The following HUNK variants were observed in gnomAD, a reference collection of about 807,000 sequenced individuals.
The protein encoded by HUNK is hormonally up-regulated Neu-associated kinase.
In HUNK, 21 loss-of-function variants were observed where a neutral mutation model predicts 61.0. That is an observed-to-expected ratio of 0.34 (90% CI 0.24 to 0.50). The LOEUF is 0.50. Among genes scored for constraint, HUNK ranks in the 20% least tolerant of loss-of-function variants. The probability of loss-of-function intolerance (pLI) is 0.98; values close to 1 mark genes in which losing one functional copy is unlikely to be tolerated. For synonymous variants in HUNK, 371 were observed against 386.1 expected, an observed-to-expected ratio of 0.96 and a Z score of 0.46; for missense variants, 772 against 945.7, an observed-to-expected ratio of 0.82 and a Z score of 2.41.
chr21:31,907,035 T>A (rs9983077), intron 1 of HUNK, among the ~76,000 whole-genome samples: 2 of 151,926 alleles, frequency 1.3e-5, no homozygotes, highest in Admixed American at 6.5e-5. Flanking sequence ...ATTAGCCTGG[T>A]GTGGTGGCAG....
intron 1 of HUNK, among the ~76,000 whole-genome samples, chr21:31,900,446 AACACACACAC>A (rs3138690): frequency 7.0e-6 from 1 of 143,024 alleles, no homozygotes; most frequent in Non-Finnish European, 1.5e-5. Flanking sequence ...TAGTTACTGA[AACACACACAC>A]ACACACACAC....
chr21:31,920,826 C>T (rs546106527), intron 1 of HUNK, among the ~76,000 whole-genome samples: 2 of 152,232 alleles, frequency 1.3e-5, no homozygotes, highest in African/African-American at 2.4e-5. Flanking sequence ...TTACTCCCAT[C>T]TTTGGATTAA....
Position 31,998,543 on chromosome 21 carries a change from A to G in HUNK, c.1504A>G (p.Asn502Asp), listed in dbSNP as rs1388503408. ...GTGTGCAGATTCCTTTGGCTGCCGC[A>G]ATATTTTCCGCAAAACCTCAGATTC... Reference protein sequence around the residue: ...FPDKDSFGCRNIFRKTSDSNC... With the variant: ...FPDKDSFGCRDIFRKTSDSNC... The change falls in exon 11 of 11, where the codon AAT (asparagine) becomes GAT (aspartate). Residue 502 changes from asparagine (N) to aspartate (D), a missense_variant. Around this residue, in one of 2 missense-constraint regions of HUNK, gnomAD observed 413 missense variants for 444.4 expected, o/e 0.93. Transcript: ENST00000270112. The G allele has an allele frequency of 4.4e-6, 7 of 1,594,820 alleles. No homozygotes were observed. The highest frequency in any genetic ancestry group is 1.8e-5 in the Admixed American group (1 of 56,752).
intron 1 of HUNK, among the ~76,000 whole-genome samples, chr21:31,877,734 A>G (rs1324954428): frequency 6.6e-6 from 1 of 152,212 alleles, no homozygotes; most frequent in African/African-American, 2.4e-5. Flanking sequence ...GACGAAGAGC[A>G]AAGCTGTTGA....
At chr21:31,920,066 G>C (rs1462330105) in intron 1 of HUNK, among the ~76,000 whole-genome samples, 1 of 152,194 alleles carries the variant, frequency 6.6e-6, no homozygotes, top group East Asian at 1.9e-4. Flanking sequence ...TCTAGGGGAG[G>C]ATCCTTCCCT....
At chr21:31,977,318 TA>T (rs953293139) in intron 7 of HUNK, among the ~76,000 whole-genome samples, 1 of 152,134 alleles carries the variant, frequency 6.6e-6, no homozygotes, top group African/African-American at 2.4e-5. Flanking sequence ...AGTCTTCAGA[TA>T]AAAGGAAGAA....
intron 1 of HUNK, among the ~76,000 whole-genome samples, chr21:31,910,736 G>A (rs1277417851): frequency 6.6e-6 from 1 of 152,084 alleles, no homozygotes; most frequent in African/African-American, 2.4e-5. Flanking sequence ...TGATCTGCCT[G>A]CCTCTGCCTC....
At chr21:31,948,604 G>A (rs1174322214) in intron 4 of HUNK, among the ~76,000 whole-genome samples, 1 of 152,130 alleles carries the variant, frequency 6.6e-6, no homozygotes, top group Non-Finnish European at 1.5e-5. Flanking sequence ...AGGGAGGGAG[G>A]AGAAAAAGGA....
intron 5 of HUNK, among the ~76,000 whole-genome samples, chr21:31,960,682 A>C (rs966543985): frequency 3.9e-5 from 6 of 152,156 alleles, no homozygotes; most frequent in East Asian, 1.9e-4. Context: ...TGCAGGGGAA[A>C]TCCTATTTAT....
At chr21:31,923,684 A>C (rs2052640229) in intron 1 of HUNK, among the ~76,000 whole-genome samples, 1 of 152,022 alleles carries the variant, frequency 6.6e-6, no homozygotes, top group Non-Finnish European at 1.5e-5. Flanking sequence ...TTTGGGTGGA[A>C]TAGACAATCT....
intron 4 of HUNK, among the ~76,000 whole-genome samples, chr21:31,955,240 G>T (rs75757874): frequency 1.3e-5 from 2 of 149,420 alleles, no homozygotes; most frequent in Admixed American, 6.7e-5. Context: ...TTCTCATTAG[G>T]CTATGACAAT....
intron 4 of HUNK, among the ~76,000 whole-genome samples, chr21:31,946,504 T>A (rs1447441490): frequency 6.6e-6 from 1 of 152,178 alleles, no homozygotes; most frequent in African/African-American, 2.4e-5. Context: ...TGAAGCTCCA[T>A]CCTGCTGCCT....
chr21:31,963,411 A>G (rs1464578756), intron 5 of HUNK, among the ~76,000 whole-genome samples: 1 of 152,220 alleles, frequency 6.6e-6, no homozygotes, highest in African/African-American at 2.4e-5. Context: ...TGTTTTGAGT[A>G]ATGTCAATCC....
chr21:31,899,783 GT>G (rs762964865), intron 1 of HUNK, among the ~76,000 whole-genome samples: 3,761 of 143,408 alleles, frequency 0.026, 143 homozygotes, highest in African/African-American at 0.087. Flanking sequence ...GCTGCTGTGT[GT>G]TTTTTTTTTT....
intron 4 of HUNK, among the ~76,000 whole-genome samples, chr21:31,952,048 T>C (rs1601394909): frequency 6.6e-6 from 1 of 152,104 alleles, no homozygotes; most frequent in Non-Finnish European, 1.5e-5. Flanking sequence ...AGCTAGCATG[T>C]ATATTTAACA....
intron 1 of HUNK, among the ~76,000 whole-genome samples, chr21:31,895,746 A>G (rs553331820): frequency 1.4e-4 from 22 of 152,296 alleles, no homozygotes; most frequent in African/African-American, 5.3e-4. Flanking sequence ...TGTGTTTCAC[A>G]GTGGTTGCTG....
chr21:31,901,540 C>G (rs912116537), intron 1 of HUNK, among the ~76,000 whole-genome samples: 1 of 152,156 alleles, frequency 6.6e-6, no homozygotes, highest in Non-Finnish European at 1.5e-5. Flanking sequence ...GATTGGCAGG[C>G]CGCCTCAGAG....
intron 8 of HUNK, 135 bp downstream of exon 8, chr21:31,983,744 C>A: frequency 1.6e-6 from 1 of 641,280 alleles, no homozygotes; most frequent in Admixed American, 2.8e-5. Context: ...TAACTGAGCC[C>A]TTGAGAAATG....
Position 31,999,889 on chromosome 21 carries a change from G to A in HUNK, c.*705G>A, listed in dbSNP as rs763743475. 3.1e-5 allele frequency: 10 copies of A among 324,490 alleles called. No homozygotes were observed. The highest frequency in any genetic ancestry group is 1.5e-4 in the East Asian group (3 of 20,644). 20.1% of individuals were successfully genotyped at this position (324,490 alleles called of 1,614,324 possible). A position where few individuals can be genotyped will look rare whatever the true frequency, so the allele number is the denominator to read the frequency against. ...TCTTTTCCAAAGATTTTTTTTAAATGTGATGTCGGTAAATTGAAATAACAT... is the reference window on the plus strand; with the variant it reads ...TCTTTTCCAAAGATTTTTTTTAAATATGATGTCGGTAAATTGAAATAACAT... On this transcript the variant is annotated 3_prime_UTR_variant, in exon 11 of 11. Transcript: ENST00000270112.
Sources: gnomAD v4.1 joint callset for allele counts (sites outside exome capture counted in the v4.1 genomes callset) on GRCh38, gnomAD v4.1.1 for gene constraint, gnomAD v4.1.1 regional missense constraint, MANE v1.5 for transcripts, NCBI Gene and HGNC (gene_info 2026-07-23, HGNC 2026-07-21) for gene names.